Variants in TMEM63A observed in about 807,000 individuals in gnomAD.
The protein encoded by TMEM63A is transmembrane protein 63A, also known as mechanosensitive cation channel TMEM63A.
Under a neutral mutation model 100.6 loss-of-function variants are expected in TMEM63A, and 76 were observed. The ratio of observed to expected loss-of-function variants is 0.76; its 90% confidence interval spans 0.63 to 0.91. TMEM63A has a LOEUF of 0.91. Ranked by LOEUF, TMEM63A falls within the 40% of genes least tolerant of loss-of-function variation. TMEM63A has a pLI of 0.00. For synonymous variants in TMEM63A, 401 were observed against 401.1 expected (o/e 1.00, Z 0.00); for missense variants, 876 against 1,008.8 (o/e 0.87, Z 1.78).
In TMEM63A at chr1:225,846,892, C is replaced by T; in HGVS notation, c.*47G>A. 2.9e-6 allele frequency: 3 copies of T among 1,024,826 alleles called. No homozygotes were observed. The highest frequency in any genetic ancestry group is 4.1e-6 in the Non-Finnish European group (3 of 731,634). The allele number at this position is 1,024,826 out of a possible 1,614,324, so 63.5% of individuals were successfully genotyped here. On this transcript the variant is annotated 3_prime_UTR_variant, in exon 25 of 25. Coordinates refer to ENST00000366835, the MANE Select transcript of TMEM63A (RefSeq NM_014698.3). ...ATTCCCACTCAGCCAAGGGCCTGAGCCCCAGGCCATTCTGGTTGTGTCTTT... is the reference window on the plus strand; with the variant it reads ...ATTCCCACTCAGCCAAGGGCCTGAGTCCCAGGCCATTCTGGTTGTGTCTTT...
At chr1:225,855,717 G>A (rs1343833767) in intron 18 of TMEM63A, among the ~76,000 whole-genome samples, 161 bp downstream of exon 18, 5 of 152,190 alleles carry the variant, frequency 3.3e-5, no homozygotes, top group African/African-American at 1.2e-4. Flanking sequence ...CCAGAAACCT[G>A]GCAGGGTGGA....
Position 225,859,180 on chromosome 1 carries a change from C to A in TMEM63A, c.1377+16G>T. 1.9e-6 allele frequency: 3 copies of A among 1,613,990 alleles called. No individual in the cohort carries two copies. The highest frequency in any genetic ancestry group is 2.5e-6 in the Non-Finnish European group (3 of 1,179,952). The stretch of plus-strand genomic sequence containing the variant: ...ACCAGCTATCCTGGGAGGGGCCTTG[C>A]AGAACAGTTACTCACATTCAGCGCA... On this transcript the variant is annotated intron_variant, in intron 15 of 24. Transcript: ENST00000366835.
downstream of TMEM63A, among the ~76,000 whole-genome samples, chr1:225,843,188 T>C (rs1035101370): frequency 6.8e-6 from 1 of 147,788 alleles, no homozygotes; most frequent in African/African-American, 2.6e-5. Flanking sequence ...CGCAAAGGAC[T>C]GTGAGAGTCC....
At chr1:225,844,432 T>G, downstream of TMEM63A, 1 of 1,613,426 alleles carries the variant, frequency 6.2e-7, no homozygotes, top group Non-Finnish European at 8.5e-7. Flanking sequence ...TAGGACTTTC[T>G]GGCTGCCCTT....
intron 10 of TMEM63A, chr1:225,863,236 G>T (rs555763915): frequency 1.7e-5 from 4 of 239,248 alleles, no homozygotes; most frequent in Non-Finnish European, 2.5e-5. Context: ...TTGTAGAGAC[G>T]GGGTCTCGCT....
intron 20 of TMEM63A, 96 bp downstream of exon 20, chr1:225,852,568 T>C (rs1669400596): frequency 1.7e-6 from 2 of 1,172,910 alleles, no homozygotes. Context: ...TTTTGGGAAC[T>C]CCATTGTGCC....
At chr1:225,881,949 G>T (rs1671110482) in intron 1 of TMEM63A, among the ~76,000 whole-genome samples, 1 of 152,176 alleles carries the variant, frequency 6.6e-6, no homozygotes, top group Non-Finnish European at 1.5e-5. Context: ...GCCCGGCCTC[G>T]TATAGGGTCC....
rs752178051 is a variant in TMEM63A, at chr1:225,848,447, C to CAA, written c.2250+43_2250+44dup. On this transcript the variant is annotated intron_variant, in intron 23 of 24. Coordinates refer to ENST00000366835, the MANE Select transcript of TMEM63A (RefSeq NM_014698.3). ...CTGGTTGGGACTGTTACAACCAAAG[C>CAA]AAAAAAAAGGGCGACAAGCTCAGAG... The CAA allele has an allele frequency of 3.7e-6, 6 of 1,603,166 alleles. No individual in the cohort carries two copies. In the South Asian group the frequency reaches 6.7e-5, roughly 18 times the overall value.
intron 6 of TMEM63A, among the ~76,000 whole-genome samples, chr1:225,868,378 T>C (rs1311451508): frequency 6.6e-6 from 1 of 151,956 alleles, no homozygotes; most frequent in Admixed American, 6.6e-5. Context: ...AGAAATCACA[T>C]TCAGAATAAA....
At chr1:225,870,954 TA>T in intron 6 of TMEM63A, 121 bp downstream of exon 6, 1 of 1,056,368 alleles carries the variant, frequency 9.5e-7, no homozygotes, top group Non-Finnish European at 1.4e-6. Flanking sequence ...GGACATTAAC[TA>T]AAAAGTATCT....
intron 6 of TMEM63A, among the ~76,000 whole-genome samples, chr1:225,868,622 G>T (rs983075048): frequency 2.0e-5 from 3 of 151,862 alleles, no homozygotes; most frequent in African/African-American, 7.3e-5. Flanking sequence ...GGAGGTGGAG[G>T]TTGCAGTGAG....
At chr1:225,845,272 C>T (rs754382169), downstream of TMEM63A, 3 of 1,613,474 alleles carry the variant, frequency 1.9e-6, no homozygotes, top group Admixed American at 1.7e-5. Context: ...GTGGGGGCCA[C>T]TTTGCGGCCT....
At chr1:225,864,240 C>T (rs1411690077) in intron 10 of TMEM63A, 1 of 152,228 alleles carries the variant, frequency 6.6e-6, no homozygotes, top group Non-Finnish European at 1.5e-5. Flanking sequence ...TCCCCACCTA[C>T]CACCTGCCAG....
In TMEM63A at chr1:225,877,049, CAT is replaced by C. The variant is rs1341631678; in HGVS notation, c.186+344_186+345del. On this transcript the variant is annotated intron_variant, in intron 3 of 24. Coordinates refer to ENST00000366835, the MANE Select transcript of TMEM63A (RefSeq NM_014698.3). ...TATTCTAGTCCGTACTCTCCAGTCACATGTCTCAACCCCTTGAGATGACCCTT... is the reference window on the plus strand; with the variant it reads ...TATTCTAGTCCGTACTCTCCAGTCACGTCTCAACCCCTTGAGATGACCCTT... 4.6e-5 allele frequency among the ~76,000 whole-genome samples: 7 copies of C among 152,284 alleles called. No individual in the cohort carries two copies. In the East Asian group the frequency reaches 9.6e-4, roughly 21 times the overall value.
At chr1:225,878,447 T>C (rs1239740939) in intron 2 of TMEM63A, among the ~76,000 whole-genome samples, 1 of 152,130 alleles carries the variant, frequency 6.6e-6, no homozygotes, top group Non-Finnish European at 1.5e-5. Context: ...TCAGTCTAAC[T>C]GCAAGGCCCA....
intron 23 of TMEM63A, 44 bp downstream of exon 23, chr1:225,848,447 CA>C (rs752178051): frequency 2.6e-5 from 41 of 1,602,162 alleles, no homozygotes; most frequent in Admixed American, 1.2e-4. Flanking sequence ...ACAACCAAAG[CA>C]AAAAAAAGGG....
chr1:225,849,836 T>C, intron 21 of TMEM63A, 76 bp downstream of exon 21: 1 of 1,544,142 alleles, frequency 6.5e-7, no homozygotes, highest in Non-Finnish European at 8.8e-7. Context: ...GTGAAAGCAA[T>C]GAGGGATCTG....
chr1:225,855,925 G>C lies in TMEM63A; in HGVS notation c.1587C>G (p.Phe529Leu), dbSNP rs1256288389. The change falls in exon 18 of 25, where the codon TTC becomes TTG. Residue 529 changes from phenylalanine (F) to leucine (L), a missense_variant. By Grantham distance (22) the Phe-to-Leu change is conservative. Around this residue, in one of 5 missense-constraint regions of TMEM63A, gnomAD observed 487 missense variants for 581.9 expected, o/e 0.84. Transcript: ENST00000366835. ...AGGAAGTTTTGTCAAAGAGCCACCGGAAGAAAAAATCTAGACTGAAAAACA... is the reference window on the plus strand; with the variant it reads ...AGGAAGTTTTGTCAAAGAGCCACCGCAAGAAAAAATCTAGACTGAAAAACA... Reference protein sequence around the residue: ...SLGLTSLDFFFRWLFDKTSSE... With the variant: ...SLGLTSLDFFLRWLFDKTSSE... The C allele has an allele frequency of 6.2e-7, 1 of 1,613,942 alleles. No individual in the cohort carries two copies. The highest frequency in any genetic ancestry group is 8.5e-7 in the Non-Finnish European group (1 of 1,179,942).
chr1:225,878,879 C>CACACA (rs1559054256), intron 2 of TMEM63A, among the ~76,000 whole-genome samples: 2 of 103,090 alleles, frequency 1.9e-5, no homozygotes, highest in African/African-American at 7.6e-5. Flanking sequence ...TACCTACCTA[C>CACACA]CTACCTACAC....
Sources: gnomAD v4.1 joint callset for allele counts (sites outside exome capture counted in the v4.1 genomes callset) on GRCh38, gnomAD v4.1.1 for gene constraint, gnomAD v4.1.1 regional missense constraint, MANE v1.5 for transcripts, NCBI Gene and HGNC (gene_info 2026-07-23, HGNC 2026-07-21) for gene names.